The following RET variants were observed in gnomAD, a reference collection of about 807,000 sequenced individuals.
RET encodes the protein proto-oncogene tyrosine-protein kinase receptor Ret.
RET carries 19 observed loss-of-function variants against 118.3 expected under a neutral mutation model. The ratio of observed to expected loss-of-function variants is 0.16; its 90% CI spans 0.11 to 0.24. The LOEUF (loss-of-function observed/expected upper bound fraction) is 0.24, where lower values mean the gene tolerates loss of function less well. RET is among the 10% of genes least tolerant of loss of function. The probability of loss-of-function intolerance (pLI) is 1.00; values close to 1 mark genes in which losing one functional copy is unlikely to be tolerated. For synonymous variants in RET, 597 were observed against 644.1 expected (o/e 0.93, Z 1.11); for missense variants, 1,219 against 1,502.1 (o/e 0.81, Z 3.12).
At chr10:43,103,593 C>T (rs1043232331) in intron 3 of RET, among the ~76,000 whole-genome samples, 1 of 152,202 alleles carries the variant, frequency 6.6e-6, no homozygotes, top group Middle Eastern at 3.2e-3. Context: ...CCTAAATTCA[C>T]ACTAACTTTA....
chr10:43,099,738 A>G (rs1837595757), intron 1 of RET, among the ~76,000 whole-genome samples: 1 of 152,028 alleles, frequency 6.6e-6, no homozygotes, highest in South Asian at 2.1e-4. Flanking sequence ...AGCCAGTCTG[A>G]TCCATTGCCT....
At chr10:43,093,428 G>A (rs919879256) in intron 1 of RET, among the ~76,000 whole-genome samples, 1 of 152,088 alleles carries the variant, frequency 6.6e-6, no homozygotes, top group South Asian at 2.1e-4. Flanking sequence ...AAGAGTTGGG[G>A]ACAATTTGGG....
chr10:43,079,652 T>C (rs1467267009), intron 1 of RET, among the ~76,000 whole-genome samples: 1 of 152,112 alleles, frequency 6.6e-6, no homozygotes, highest in African/African-American at 2.4e-5. Context: ...TTGGGTCCTG[T>C]TTTGCAGCAA....
intron 1 of RET, among the ~76,000 whole-genome samples, chr10:43,089,723 C>T (rs997186961): frequency 3.3e-5 from 5 of 152,246 alleles, no homozygotes; most frequent in African/African-American, 9.6e-5. Flanking sequence ...TGTGGCCTGT[C>T]CCACCTGCTA....
At position 43,111,291 on chromosome 10, in the gene RET, A is replaced by G. The variant is rs1837916996; in HGVS notation, c.1348A>G (p.Ser450Gly). The change falls in exon 7 of 20, where the codon AGC (serine) becomes GGC (glycine). Residue 450 changes from serine to glycine, a missense_variant. Around this residue, in one of 5 missense-constraint regions of RET, gnomAD observed 850 missense variants for 969.6 expected, o/e 0.88. Transcript: ENST00000355710. ...YKLHSSGANC[S>G]TLGVVTSAED... ...GCTGCATTCCTCTGGTGCCAACTGC[A>G]GCACGCTAGGGGTGGTCACCTCAGC... 1 of 1,614,168 alleles carries G rather than the reference A, an allele frequency of 6.2e-7. No homozygotes were observed. Among genetic ancestry groups the G allele is most frequent in the Non-Finnish European group, 8.5e-7 (1 of 1,180,030 alleles).
In RET at chr10:43,114,644, G is replaced by A. The variant is rs1447335566; in HGVS notation, c.2044G>A (p.Ala682Thr). The change falls in exon 11 of 20, where the codon GCC becomes ACC. Residue 682 changes from alanine to threonine, a missense_variant. Transcript: ENST00000355710. This position sits in a 1 kb window ranked among gnomAD's most constrained non-coding sequence, Gnocchi z 4.6. ...GATGACCTTCCGGAGGCCCGCCCAG[G>A]CCTTCCCGGTCAGCTACTCCTCTTC... The part of the protein sequence containing the change: ...AEMTFRRPAQ[A>T]FPVSYSSSGA... The A allele has an allele frequency of 1.2e-6, 2 of 1,612,884 alleles. No individual in the cohort carries two copies. The highest frequency in any genetic ancestry group is 1.1e-5 in the South Asian group (1 of 91,058).
intron 1 of RET, among the ~76,000 whole-genome samples, chr10:43,096,576 C>G (rs1837526985): frequency 6.6e-6 from 1 of 152,148 alleles, no homozygotes; most frequent in Non-Finnish European, 1.5e-5. Context: ...CCTGCACTGG[C>G]CGTTCCTCCT....
At position 43,128,761 on chromosome 10, in the gene RET, G is replaced by A. The variant is rs568766449; in HGVS notation, c.*492G>A. On this transcript the variant is annotated 3_prime_UTR_variant, in exon 20 of 20. Transcript: ENST00000355710. Reference sequence around the variant, plus strand: ...GTCCTTATTCAGAATGAGAGACTGCGGGGGGGGCCTGGGGGTAGTGTCAAT... The same window carrying A: ...GTCCTTATTCAGAATGAGAGACTGCAGGGGGGGCCTGGGGGTAGTGTCAAT... 2.1e-5 allele frequency: 6 copies of A among 284,362 alleles called. No homozygotes were observed. The highest frequency in any genetic ancestry group is 1.0e-4 in the East Asian group (2 of 19,340). 17.6% of individuals were successfully genotyped at this position (284,362 alleles called of 1,614,324 possible). A position where few individuals can be genotyped will look rare whatever the true frequency, so the allele number is the denominator to read the frequency against.
chr10:43,105,467 G>A (rs528794331), intron 4 of RET, among the ~76,000 whole-genome samples: 24 of 152,222 alleles, frequency 1.6e-4, no homozygotes, highest in Admixed American at 5.9e-4. Context: ...AGGCGGGCGC[G>A]GCGCGCTGCC....
intron 7 of RET, 45 bp from the exon 8 acceptor site, chr10:43,112,054 G>A (rs2132794327): frequency 1.9e-6 from 3 of 1,569,584 alleles, no homozygotes; most frequent in Non-Finnish European, 2.6e-6. Context: ...CTGGACGCTG[G>A]GCCCAGGCCA....
chr10:43,080,252 G>A (rs1422020392), intron 1 of RET, among the ~76,000 whole-genome samples: 7 of 152,200 alleles, frequency 4.6e-5, no homozygotes, highest in Non-Finnish European at 7.3e-5. Context: ...GGGAAGGCCC[G>A]GAAGCTGCCA....
chr10:43,087,226 T>A (rs143165114), intron 1 of RET, among the ~76,000 whole-genome samples: 1 of 152,106 alleles, frequency 6.6e-6, no homozygotes, highest in African/African-American at 2.4e-5. Context: ...GGGCCCCATC[T>A]CTCCTCCTCC....
chr10:43,112,232 C>T lies in RET; in HGVS notation c.1648+8C>T. On this transcript the variant is annotated splice_region_variant and intron_variant, in intron 8 of 19. Transcript: ENST00000355710. ...GGCAAGGAGATGGCAAAGGTAAGCC[C>T]TGGAAACGCCCAAGGGAGGCCTGCA... The T allele has an allele frequency of 6.4e-7, 1 of 1,552,160 alleles. No homozygotes were observed. Among genetic ancestry groups the T allele is most frequent in the Non-Finnish European group, 8.7e-7 (1 of 1,147,276 alleles).
intron 7 of RET, 147 bp from the exon 8 acceptor site, chr10:43,111,950 ACT>A (rs574542185): frequency 1.8e-6 from 2 of 1,138,396 alleles, no homozygotes; most frequent in African/African-American, 3.1e-5. Context: ...TGCTCCTGGC[ACT>A]GTCTTTGCTG....
chr10:43,116,543 T>A, intron 11 of RET, 41 bp from the exon 12 acceptor site: 2 of 1,611,766 alleles, frequency 1.2e-6, no homozygotes, highest in South Asian at 2.2e-5. Flanking sequence ...ATCCTCACAC[T>A]TTTCCCCCCT....
At chr10:43,094,651 G>C (rs1039935679) in intron 1 of RET, among the ~76,000 whole-genome samples, 1 of 152,178 alleles carries the variant, frequency 6.6e-6, no homozygotes, top group African/African-American at 2.4e-5. Flanking sequence ...ACAGCCAGGA[G>C]CCAGTGGAGA....
intron 1 of RET, among the ~76,000 whole-genome samples, chr10:43,087,193 G>A (rs1056131798): frequency 1.3e-5 from 2 of 152,196 alleles, no homozygotes; most frequent in African/African-American, 2.4e-5. Flanking sequence ...TGCAGGGATC[G>A]TGGTGCCTCC....
chr10:43,112,366 G>A (rs1023796261), intron 8 of RET, 142 bp downstream of exon 8: 1 of 1,284,654 alleles, frequency 7.8e-7, no homozygotes, highest in Non-Finnish European at 1.1e-6. Flanking sequence ...GGCTCTCGAT[G>A]CCAGCATAGC....
chr10:43,091,556 A>G (rs1010746019), intron 1 of RET, among the ~76,000 whole-genome samples: 9 of 151,582 alleles, frequency 5.9e-5, no homozygotes, highest in East Asian at 3.9e-4. Context: ...GCTTGAACTC[A>G]GGAGACAGAG....
Sources: allele counts gnomAD v4.1 joint callset (sites outside exome capture counted in the v4.1 genomes callset), GRCh38; gene constraint gnomAD v4.1.1; regional missense constraint gnomAD v4.1.1; non-coding constraint Gnocchi (gnomAD v3.1); transcripts MANE v1.5; gene names NCBI Gene and HGNC (gene_info 2026-07-23, HGNC 2026-07-21).